The following CDHR3 variants were observed in gnomAD, a reference collection of about 807,000 sequenced individuals.
The protein encoded by CDHR3 is cadherin related family member 3.
Under a neutral mutation model 86.6 loss-of-function variants are expected in CDHR3, and 79 were observed. The ratio of observed to expected loss-of-function variants is 0.91; its 90% confidence interval spans 0.76 to 1.10. The LOEUF (loss-of-function observed/expected upper bound fraction) is 1.10, where lower values mean the gene tolerates loss of function less well. CDHR3 is among the 50% of genes least tolerant of loss of function. CDHR3 has a pLI of 0.00. For synonymous variants in CDHR3, 421 were observed against 402.4 expected (o/e 1.05, Z -0.55); for missense variants, 1,081 against 1,077.6 (o/e 1.00, Z -0.04).
intron 16 of CDHR3, 183 bp from the exon 17 acceptor site, chr7:106,028,368 C>A (rs1003104593): frequency 2.9e-6 from 2 of 691,564 alleles, no homozygotes; most frequent in South Asian, 1.6e-5. Context: ...CATATGTGTA[C>A]GTATTTTTTT....
At chr7:106,008,116 T>G (rs958870599) in intron 8 of CDHR3, among the ~76,000 whole-genome samples, 3 of 152,116 alleles carry the variant, frequency 2.0e-5, no homozygotes, top group Non-Finnish European at 4.4e-5. Context: ...CAGGAAAGAC[T>G]TGCCACCATG....
At chr7:106,020,136 C>T (rs571693661) in intron 12 of CDHR3, among the ~76,000 whole-genome samples, 7 of 152,158 alleles carry the variant, frequency 4.6e-5, no homozygotes, top group Non-Finnish European at 8.8e-5. Context: ...TGGAGTAGGA[C>T]AGACCTGAAT....
chr7:105,991,161 C>T (rs1223694474), intron 4 of CDHR3, among the ~76,000 whole-genome samples: 2 of 152,262 alleles, frequency 1.3e-5, no homozygotes, highest in East Asian at 3.9e-4. Context: ...TATTTAATTT[C>T]TGTTTTCCAA....
At chr7:105,968,574 T>A (rs1827357806) in intron 1 of CDHR3, among the ~76,000 whole-genome samples, 1 of 152,122 alleles carries the variant, frequency 6.6e-6, no homozygotes. Flanking sequence ...TCGGCCAGGC[T>A]AGTCTCAAAC....
At position 106,027,732 on chromosome 7, in the gene CDHR3, C is replaced by T. The variant is rs372390289; in HGVS notation, c.2273-819C>T. The T allele has an allele frequency of 1.5e-3, 662 of 429,968 alleles. 5 individuals are homozygous for T. The highest frequency in any genetic ancestry group is 0.01 in the South Asian group (605 of 59,474). The allele number at this position is 429,968 out of a possible 1,614,324, so 26.6% of individuals were successfully genotyped here. A position where few individuals can be genotyped will look rare whatever the true frequency, so the allele number is the denominator to read the frequency against. On this transcript the variant is annotated intron_variant, in intron 16 of 18. Coordinates refer to ENST00000317716, the MANE Select transcript of CDHR3 (RefSeq NM_152750.5). The stretch of plus-strand genomic sequence containing the variant: ...CTGACATGCTTAAGGCATGTCTCAA[C>T]AGGGTTAGAAATTTGATTATAGTGG...
intron 4 of CDHR3, among the ~76,000 whole-genome samples, chr7:105,987,319 G>A (rs1442443326): frequency 6.6e-6 from 1 of 152,186 alleles, no homozygotes; most frequent in African/African-American, 2.4e-5. Flanking sequence ...AATTGTTAAT[G>A]AAATATTTAA....
chr7:105,997,849 G>A (rs906460891), intron 6 of CDHR3, among the ~76,000 whole-genome samples: 8 of 152,206 alleles, frequency 5.3e-5, no homozygotes, highest in African/African-American at 1.4e-4. Context: ...GCACCCAGAG[G>A]TCAGCCTGGA....
At chr7:105,990,579 T>A (rs563542832) in intron 4 of CDHR3, among the ~76,000 whole-genome samples, 1 of 152,288 alleles carries the variant, frequency 6.6e-6, no homozygotes, top group East Asian at 1.9e-4. Flanking sequence ...TTTGGGGCCA[T>A]GTACTCAGTG....
chr7:106,020,870 C>T lies in CDHR3; in HGVS notation c.1825+326C>T, dbSNP rs535398064. Among the ~76,000 whole-genome samples, 23 of 152,236 alleles carry T rather than the reference C, an allele frequency of 1.5e-4. No homozygotes were observed. In the South Asian group the frequency reaches 3.1e-3, roughly 21 times the overall value. The stretch of plus-strand genomic sequence containing the variant: ...CTTCCTGGCACTCCTCTCAGTTTCC[C>T]CTTCTTGTCTTACTCCTCCCAGACC... On this transcript the variant is annotated intron_variant, in intron 13 of 18. Transcript: ENST00000317716.
At chr7:105,996,408 C>G in intron 6 of CDHR3, 54 bp downstream of exon 6, 1 of 992,768 alleles carries the variant, frequency 1.0e-6, no homozygotes, top group Non-Finnish European at 1.6e-6. Flanking sequence ...CCTTCTTAGG[C>G]GGCCTCGTCT....
chr7:106,010,984 A>T (rs1299807896), intron 8 of CDHR3, among the ~76,000 whole-genome samples: 2 of 152,224 alleles, frequency 1.3e-5, no homozygotes, highest in African/African-American at 2.4e-5. Flanking sequence ...TGCCATGACC[A>T]GTTGTTGGTA....
rs749602194 is a variant in CDHR3, at chr7:106,022,298, G to A, written c.1926G>A (p.Lys642=). The A allele has an allele frequency of 6.2e-7, 1 of 1,614,040 alleles. No individual in the cohort carries two copies. Residue 642 remains lysine, a synonymous_variant, in exon 14 of 19, where the codon AAG becomes AAA. Transcript: ENST00000317716. Reference sequence around the variant, plus strand: ...TTGACTATGCTGGTGGGTTTGATAAGATCTGGGACTACAAGCTACTTGTCT... The same window carrying A: ...TTGACTATGCTGGTGGGTTTGATAAAATCTGGGACTACAAGCTACTTGTCT... The part of the protein sequence containing the change: ...SRFDYAGGFD[K]IWDYKLLVYV...
intron 16 of CDHR3, among the ~76,000 whole-genome samples, chr7:106,027,069 C>T (rs1837466021): frequency 1.3e-5 from 2 of 152,146 alleles, no homozygotes; most frequent in Admixed American, 6.5e-5. Flanking sequence ...CTGAGGACAG[C>T]TAATGCTTTG....
At chr7:106,001,397 A>G (rs1171798834) in intron 6 of CDHR3, 65 bp from the exon 7 acceptor site, 34 of 1,583,454 alleles carry the variant, frequency 2.1e-5, no homozygotes, top group East Asian at 1.8e-4. Context: ...CAAAATACCA[A>G]TCGCCTAGAT....
intron 2 of CDHR3, among the ~76,000 whole-genome samples, chr7:105,975,331 G>A (rs1305265245): frequency 6.6e-6 from 1 of 152,164 alleles, no homozygotes; most frequent in Non-Finnish European, 1.5e-5. Context: ...GACATCAGGT[G>A]TTTGGTGTGC....
Position 105,998,522 on chromosome 7 carries a change from T to G in CDHR3, c.713+2168T>G, listed in dbSNP as rs1453072459. Among the ~76,000 whole-genome samples the G allele has an allele frequency of 2.6e-5, 4 of 152,300 alleles. No homozygotes were observed. The East Asian group carries it at 7.7e-4, about 29-fold the overall frequency. ...AAAGCACCTGACACACCGGGTGCAG[T>G]GGCTCACGCCTGTAATCCCAGCACT... On this transcript the variant is annotated intron_variant, in intron 6 of 18. Coordinates refer to ENST00000317716, the MANE Select transcript of CDHR3 (RefSeq NM_152750.5).
intron 3 of CDHR3, 44 bp from the exon 4 acceptor site, chr7:105,984,148 G>T (rs1435905198): frequency 5.6e-6 from 7 of 1,251,970 alleles, no homozygotes; most frequent in Admixed American, 2.2e-5. Context: ...CCCCATTTTT[G>T]CTTTAATAAG....
rs2115695786 is a variant in CDHR3, at chr7:105,984,364, T to C, written c.513+75T>C. 4 of 1,170,686 alleles carry C rather than the reference T, an allele frequency of 3.4e-6. No individual in the cohort carries two copies. The East Asian group carries it at 7.5e-5, about 22-fold the overall frequency. The allele number at this position is 1,170,686 out of a possible 1,614,324, so 72.5% of individuals were successfully genotyped here. A position where few individuals can be genotyped will look rare whatever the true frequency, so the allele number is the denominator to read the frequency against. Reference sequence around the variant, plus strand: ...CACAGGAGCCTGCTGTCCTGAGTCTTGGCGGGGTGAGTTTGGGCAGTGGCA... The same window carrying C: ...CACAGGAGCCTGCTGTCCTGAGTCTCGGCGGGGTGAGTTTGGGCAGTGGCA... On this transcript the variant is annotated intron_variant, in intron 4 of 18. Transcript: ENST00000317716.
chr7:106,004,697 C>G lies in CDHR3; in HGVS notation c.1052+10C>G. 1 of 1,613,800 alleles carries G rather than the reference C, an allele frequency of 6.2e-7. No homozygotes were observed. Among genetic ancestry groups the G allele is most frequent in the Non-Finnish European group, 8.5e-7 (1 of 1,179,748 alleles). On this transcript the variant is annotated intron_variant, in intron 8 of 18. Coordinates refer to ENST00000317716, the MANE Select transcript of CDHR3 (RefSeq NM_152750.5). ...AAAAGTTCACCTTCAGGTATGCACA[C>G]TTTGAAAGTTGGGCTGGACATTCTA...
Sources: gnomAD v4.1 joint callset for allele counts (sites outside exome capture counted in the v4.1 genomes callset) on GRCh38, gnomAD v4.1.1 for gene constraint, MANE v1.5 for transcripts, NCBI Gene and HGNC (gene_info 2026-07-23, HGNC 2026-07-21) for gene names.